The following ERC1 variants were observed in gnomAD, a reference collection of about 807,000 sequenced individuals.
ERC1 encodes the protein ELKS/RAB6-interacting/CAST family member 1.
In ERC1, 56 loss-of-function variants were observed where a neutral mutation model predicts 132.0. That is an observed-to-expected ratio of 0.42 (90% CI 0.34 to 0.53). The LOEUF is 0.53. Among genes scored for constraint, ERC1 ranks in the 20% least tolerant of loss-of-function variants. ERC1 has a pLI of 0.03. For synonymous variants in ERC1, 478 were observed against 476.1 expected (o/e 1.00, Z -0.05); for missense variants, 1,202 against 1,349.9 (o/e 0.89, Z 1.72).
intron 1 of ERC1, among the ~76,000 whole-genome samples, chr12:1,007,920 T>C (rs1470121879): frequency 6.6e-6 from 1 of 152,086 alleles, no homozygotes; most frequent in Non-Finnish European, 1.5e-5. Flanking sequence ...GTGGCCTCTG[T>C]ATTGGACAGT....
At chr12:1,466,230 A>G (rs2093740408) in intron 18 of ERC1, among the ~76,000 whole-genome samples, 1 of 152,114 alleles carries the variant, frequency 6.6e-6, no homozygotes, top group Non-Finnish European at 1.5e-5. Context: ...TCCTTGGTGT[A>G]TACATGGCTG....
chr12:1,408,127 C>G, intron 16 of ERC1, 22 bp from the exon 17 acceptor site: 2 of 1,567,896 alleles, frequency 1.3e-6, no homozygotes, highest in African/African-American at 1.3e-5. Context: ...TAAATTTAAC[C>G]TTATGAATAA....
chr12:1,200,645 G>A (rs184732801), intron 12 of ERC1, among the ~76,000 whole-genome samples: 3 of 151,182 alleles, frequency 2.0e-5, no homozygotes, highest in African/African-American at 4.9e-5. Context: ...TGCAAGCTCC[G>A]CCTCCCGGGT....
intron 18 of ERC1, among the ~76,000 whole-genome samples, chr12:1,449,963 T>C (rs976534004): frequency 6.6e-6 from 1 of 152,156 alleles, no homozygotes; most frequent in Non-Finnish European, 1.5e-5. Flanking sequence ...GTGTACAGTT[T>C]TACCTTATCA....
chr12:1,180,253 A>ATG (rs3216970), intron 8 of ERC1, among the ~76,000 whole-genome samples: 12,334 of 146,598 alleles, frequency 0.084, 593 homozygotes, highest in Admixed American at 0.15. Context: ...TTTGTTAGGG[A>ATG]TGTGTGTGTG....
chr12:1,057,412 C>T (rs905498453), intron 2 of ERC1, among the ~76,000 whole-genome samples: 3 of 152,128 alleles, frequency 2.0e-5, no homozygotes, highest in Admixed American at 6.5e-5. Flanking sequence ...AGGCATGAGC[C>T]ACTGCGCCCA....
At chr12:1,377,993 A>G (rs1238930965) in intron 16 of ERC1, among the ~76,000 whole-genome samples, 1 of 152,208 alleles carries the variant, frequency 6.6e-6, no homozygotes, top group Non-Finnish European at 1.5e-5. Context: ...TATGAGAGAA[A>G]ATGCAGTTTT....
At chr12:1,416,633 T>G (rs2092132061) in intron 17 of ERC1, among the ~76,000 whole-genome samples, 1 of 152,230 alleles carries the variant, frequency 6.6e-6, no homozygotes, top group South Asian at 2.1e-4. Flanking sequence ...TCTGAATCAC[T>G]GTCTTCTAAG....
At chr12:1,112,620 C>G (rs1239589285) in intron 6 of ERC1, among the ~76,000 whole-genome samples, 1 of 152,192 alleles carries the variant, frequency 6.6e-6, no homozygotes, top group Non-Finnish European at 1.5e-5. Context: ...TGAATGGCGG[C>G]CTTCTTTTCT....
At chr12:1,008,283 T>G (rs1964072337) in intron 1 of ERC1, among the ~76,000 whole-genome samples, 1 of 152,218 alleles carries the variant, frequency 6.6e-6, no homozygotes, top group African/African-American at 2.4e-5. Context: ...AAGCGCTGTT[T>G]ATTAGAAATA....
At chr12:1,149,176 G>GCCC (rs1950627821) in intron 8 of ERC1, among the ~76,000 whole-genome samples, 1 of 144,508 alleles carries the variant, frequency 6.9e-6, no homozygotes, top group East Asian at 2.0e-4. Flanking sequence ...TAACTTTAAA[G>GCCC]TAATCTTTTT....
intron 15 of ERC1, among the ~76,000 whole-genome samples, chr12:1,347,307 A>G (rs2084570408): frequency 1.3e-5 from 2 of 152,240 alleles, no homozygotes; most frequent in African/African-American, 2.4e-5. Context: ...AAGTAGAGAT[A>G]ATATGGTACA....
At chr12:1,255,179 A>C (rs559424653) in intron 13 of ERC1, among the ~76,000 whole-genome samples, 2 of 150,778 alleles carry the variant, frequency 1.3e-5, no homozygotes, top group Admixed American at 6.6e-5. Context: ...CCCACTTATG[A>C]GTGAGAACAT....
At chr12:1,390,873 A>C (rs1388633895) in intron 16 of ERC1, 3 of 152,174 alleles carry the variant, frequency 2.0e-5, no homozygotes, top group African/African-American at 4.8e-5. Flanking sequence ...CCACTCCAGG[A>C]ATGGAGAGGA....
chr12:1,471,031 C>T (rs1316690055), intron 18 of ERC1, among the ~76,000 whole-genome samples: 1 of 152,086 alleles, frequency 6.6e-6, no homozygotes, highest in Non-Finnish European at 1.5e-5. Flanking sequence ...TTTTAATTCC[C>T]ATTTTTGTCT....
In ERC1 at chr12:1,293,453, A is replaced by AAACAACAAC. The variant is rs201350540; in HGVS notation, c.2780+3459_2780+3467dup. Among the ~76,000 whole-genome samples the AAACAACAAC allele has an allele frequency of 3.7e-4, 38 of 101,428 alleles. 1 individual carries two copies. Among genetic ancestry groups the AAACAACAAC allele is most frequent in the African/African-American group, 1.3e-3 (36 of 26,728 alleles). The allele number at this position is 101,428 out of a possible 152,430, so 66.5% of individuals were successfully genotyped here. A position where few individuals can be genotyped will look rare whatever the true frequency, so the allele number is the denominator to read the frequency against. Reference sequence around the variant, plus strand: ...GGGCGACAGAGCAAAACTCCATCTCAAACAACAACAACAACAACAACAACA... The same window carrying AAACAACAAC: ...GGGCGACAGAGCAAAACTCCATCTCAAACAACAACAACAACAACAACAACAACAACAACA... On this transcript the variant is annotated intron_variant, in intron 15 of 18. Transcript: ENST00000360905.
intron 18 of ERC1, among the ~76,000 whole-genome samples, chr12:1,488,377 C>G (rs945220363): frequency 6.6e-6 from 1 of 151,848 alleles, no homozygotes; most frequent in African/African-American, 2.4e-5. Flanking sequence ...CTTTATATGA[C>G]TATCTCATTA....
At chr12:1,124,206 C>T (rs543855227) in intron 7 of ERC1, among the ~76,000 whole-genome samples, 3 of 152,162 alleles carry the variant, frequency 2.0e-5, no homozygotes, top group East Asian at 3.9e-4. Flanking sequence ...ACTGAACAGT[C>T]GTAAAAACTA....
At position 1,026,379 on chromosome 12, in the gene ERC1, G is replaced by A. The variant is rs143041175; in HGVS notation, c.-156-1369G>A. On this transcript the variant is annotated intron_variant, in intron 1 of 18. Transcript: ENST00000360905. ...AAGGTGAGATTTGAGTGGGGACACA[G>A]CCAAACCATATCACTCACTGTTTGG... Among the ~76,000 whole-genome samples, 24 of 152,282 alleles carry A rather than the reference G, an allele frequency of 1.6e-4. No homozygotes were observed. The East Asian group carries it at 4.4e-3, about 28-fold the overall frequency.
Sources: allele counts gnomAD v4.1 joint callset (sites outside exome capture counted in the v4.1 genomes callset), GRCh38; gene constraint gnomAD v4.1.1; transcripts MANE v1.5; gene names NCBI Gene and HGNC (gene_info 2026-07-23, HGNC 2026-07-21).